Variants in UBAP2 observed in about 807,000 individuals in gnomAD.
UBAP2 encodes the protein ubiquitin associated protein 2, also known as ubiquitin-associated protein 2.
Under a neutral mutation model 139.6 loss-of-function variants are expected in UBAP2, and 75 were observed. That is an observed-to-expected ratio of 0.54 (90% CI 0.45 to 0.65). The LOEUF (loss-of-function observed/expected upper bound fraction) is 0.65. Among genes scored for constraint, UBAP2 ranks in the 30% least tolerant of loss-of-function variants. The pLI is 0.00. For synonymous variants in UBAP2, 526 were observed against 526.2 expected, an observed-to-expected ratio of 1.00 and a Z score of 0.01; for missense variants, 1,368 against 1,369.6, an observed-to-expected ratio of 1.00 and a Z score of 0.02.
chr9:34,010,762 C>T (rs1042849209), intron 2 of UBAP2, among the ~76,000 whole-genome samples: 10 of 152,020 alleles, frequency 6.6e-5, no homozygotes, highest in Admixed American at 5.3e-4. Flanking sequence ...CTACAACAAA[C>T]ATTTTTTTTT....
At chr9:33,991,480 T>C (rs1821708232) in intron 4 of UBAP2, among the ~76,000 whole-genome samples, 2 of 152,264 alleles carry the variant, frequency 1.3e-5, no homozygotes, top group South Asian at 2.1e-4. Flanking sequence ...TAGGTACATA[T>C]AGAAAGAGGT....
At chr9:33,979,449 C>T (rs1162630168) in intron 6 of UBAP2, among the ~76,000 whole-genome samples, 1 of 152,166 alleles carries the variant, frequency 6.6e-6, no homozygotes, top group African/African-American at 2.4e-5. Context: ...GTGGCGCATG[C>T]CTGTTATCCC....
chr9:33,983,970 G>A (rs1228817196), intron 6 of UBAP2, among the ~76,000 whole-genome samples: 1 of 151,560 alleles, frequency 6.6e-6, no homozygotes, highest in Non-Finnish European at 1.5e-5. Context: ...AGAGTGCAAT[G>A]GTACAATCTC....
In UBAP2 at chr9:33,922,780, A is replaced by C; in HGVS notation, c.3171T>G (p.Pro1057=). 1 of 1,560,884 alleles carries C rather than the reference A, an allele frequency of 6.4e-7. No individual in the cohort carries two copies. Among genetic ancestry groups the C allele is most frequent in the Non-Finnish European group, 8.7e-7 (1 of 1,153,304 alleles). ...GTAGGAATGGTGGGGGTGCATAGCC[A>C]GGGGCCGCTCCCGAGGCCAGGGGCC... ...STGPLASGAA[P]GYAPPPFLHI... is the part of the protein sequence containing the mutation. Residue 1057 remains proline, a synonymous_variant, in exon 28 of 29, where the codon CCT becomes CCG. Coordinates refer to ENST00000379238, the MANE Select transcript of UBAP2 (RefSeq NM_001370062.2).
intron 2 of UBAP2, among the ~76,000 whole-genome samples, chr9:34,001,731 T>C (rs1822719774): frequency 6.6e-6 from 1 of 152,116 alleles, no homozygotes; most frequent in African/African-American, 2.4e-5. Context: ...TTGCCTGTTT[T>C]CCCTAACACT....
chr9:34,035,274 G>C (rs893173854), intron 1 of UBAP2, among the ~76,000 whole-genome samples: 1 of 151,600 alleles, frequency 6.6e-6, no homozygotes, highest in Non-Finnish European at 1.5e-5. Context: ...AGGCCGAGGC[G>C]GGCGGATCAC....
chr9:33,931,609 TTG>T (rs748583824), intron 19 of UBAP2, among the ~76,000 whole-genome samples: 122 of 152,272 alleles, frequency 8.0e-4, no homozygotes, highest in Non-Finnish European at 4.4e-4. Flanking sequence ...AAGTGGCAGT[TTG>T]TGTGTTTTAT....
intron 16 of UBAP2, chr9:33,938,972 G>A (rs780754853): frequency 1.1e-5 from 5 of 443,404 alleles, no homozygotes; most frequent in Non-Finnish European, 1.8e-5. Flanking sequence ...AAAAAGGAAG[G>A]GAGGATGATC....
Position 33,944,439 on chromosome 9 carries a change from T to G in UBAP2, c.1471A>C (p.Ile491Leu). ...LQLPSTTIENISVSVHQPQPK... is the reference protein window; with the variant it reads ...LQLPSTTIENLSVSVHQPQPK... ...TGTGGCTGGTGGACAGACACAGAGATATTTTCAATGGTCGTGCTGGGAAGC... is the reference window on the plus strand; with the variant it reads ...TGTGGCTGGTGGACAGACACAGAGAGATTTTCAATGGTCGTGCTGGGAAGC... The change falls in exon 14 of 29, where the codon ATC becomes CTC. Residue 491 changes from isoleucine to leucine, a missense_variant. Physicochemically the swap from Ile to Leu is conservative, Grantham distance 5. Coordinates refer to ENST00000379238, the MANE Select transcript of UBAP2 (RefSeq NM_001370062.2). The G allele has an allele frequency of 6.2e-7, 1 of 1,614,166 alleles. No individual in the cohort carries two copies. The highest frequency in any genetic ancestry group is 1.3e-5 in the African/African-American group (1 of 75,030).
In UBAP2 at chr9:33,927,998, A is replaced by G; in HGVS notation, c.2176-6T>C. On this transcript the variant is annotated splice_polypyrimidine_tract_variant and splice_region_variant and intron_variant, in intron 19 of 28. Coordinates refer to ENST00000379238, the MANE Select transcript of UBAP2 (RefSeq NM_001370062.2). ...GCGCTCTCCACACTGGCATGCTGGC[A>G]AAAGAAAAGCCAGGACACATGGATC... 6.2e-7 allele frequency: 1 copy of G among 1,608,106 alleles called. No individual in the cohort carries two copies. The highest frequency in any genetic ancestry group is 8.5e-7 in the Non-Finnish European group (1 of 1,176,886).
intron 2 of UBAP2, among the ~76,000 whole-genome samples, chr9:34,007,456 C>T (rs1382049638): frequency 1.3e-5 from 2 of 149,244 alleles, no homozygotes; most frequent in African/African-American, 2.5e-5. Flanking sequence ...ATGTTCGCAT[C>T]ATTATATTCC....
chr9:34,042,897 C>T (rs1240404334), intron 1 of UBAP2, among the ~76,000 whole-genome samples: 1 of 152,022 alleles, frequency 6.6e-6, no homozygotes, highest in Non-Finnish European at 1.5e-5. Context: ...CATAGCAAGA[C>T]TCCTCTCTAC....
chr9:33,942,864 A>G (rs1825357227), intron 15 of UBAP2, among the ~76,000 whole-genome samples: 1 of 152,242 alleles, frequency 6.6e-6, no homozygotes, highest in Non-Finnish European at 1.5e-5. Context: ...GGAATGTCAA[A>G]TGCTACAGCC....
At chr9:33,986,371 A>C (rs1821212657) in intron 6 of UBAP2, among the ~76,000 whole-genome samples, 1 of 152,194 alleles carries the variant, frequency 6.6e-6, no homozygotes, top group Admixed American at 6.5e-5. Context: ...AGTGAGGACT[A>C]GAGCAAAAAG....
intron 20 of UBAP2, 27 bp from the exon 21 acceptor site, chr9:33,927,107 G>A (rs1165765863): frequency 9.0e-6 from 14 of 1,563,584 alleles, no homozygotes; most frequent in African/African-American, 2.7e-5. Flanking sequence ...ATCAAATGGA[G>A]TGAAATGGTC....
At chr9:33,953,260 C>A (rs905747494) in intron 12 of UBAP2, 25 bp downstream of exon 12, 2 of 1,594,914 alleles carry the variant, frequency 1.3e-6, no homozygotes, top group African/African-American at 1.4e-5. Context: ...TCTTAAAATC[C>A]CACACTGAAA....
rs1206377529 is a variant in UBAP2, at chr9:33,922,512, T to C, written c.3352A>G (p.Thr1118Ala). The change falls in exon 29 of 29, where the codon ACA (threonine) becomes GCA (alanine). Residue 1118 changes from threonine (T) to alanine (A), a missense_variant. By Grantham distance (58) the Thr-to-Ala change is moderately conservative. Transcript: ENST00000379238. ...ACCCCTCTCTTCTGGGTTTAGTTTG[T>C]CCAGTATGGAGAGTTGCCGTAGGCA... ...KPAYGNSPYW[T>A]N 1.2e-6 allele frequency: 2 copies of C among 1,613,828 alleles called. No individual in the cohort carries two copies. Among genetic ancestry groups the C allele is most frequent in the East Asian group, 4.5e-5 (2 of 44,878 alleles).
intron 2 of UBAP2, chr9:34,011,503 T>C (rs1422250911): frequency 2.4e-6 from 1 of 413,578 alleles, no homozygotes; most frequent in African/African-American, 2.2e-5. Flanking sequence ...ATGAGAACTT[T>C]AAGTATTTTT....
rs1215408412 is a variant in UBAP2, at chr9:33,943,580, A to G, written c.1555T>C (p.Ser519Pro). The G allele has an allele frequency of 6.2e-7, 1 of 1,613,978 alleles. No individual in the cohort carries two copies. Among genetic ancestry groups the G allele is most frequent in the Non-Finnish European group, 8.5e-7 (1 of 1,180,010 alleles). ...GCTGAACCAGGCATTTCCACTGCAGAAGCTGGGATCTGAAAAAGCAAAGCT... is the reference window on the plus strand; with the variant it reads ...GCTGAACCAGGCATTTCCACTGCAGGAGCTGGGATCTGAAAAAGCAAAGCT... ...RIPPASKIPA[S>P]AVEMPGSADV... is the part of the protein sequence containing the mutation. Residue 519 changes from serine (S) to proline (P), a missense_variant, in exon 15 of 29, where the codon TCT (serine) becomes CCT (proline). Physicochemically the swap from Ser to Pro is moderately conservative, Grantham distance 74. Coordinates refer to ENST00000379238, the MANE Select transcript of UBAP2 (RefSeq NM_001370062.2).
Sources: allele counts gnomAD v4.1 joint callset (sites outside exome capture counted in the v4.1 genomes callset), GRCh38; gene constraint gnomAD v4.1.1; transcripts MANE v1.5; gene names NCBI Gene and HGNC (gene_info 2026-07-23, HGNC 2026-07-21).